Variants in ATP8B4 observed in about 807,000 individuals in gnomAD.
The protein encoded by ATP8B4 is ATPase phospholipid transporting 8B4 (putative).
Under a neutral mutation model 145.6 loss-of-function variants are expected in ATP8B4, and 133 were observed. The ratio of observed to expected loss-of-function variants is 0.91; its 90% CI spans 0.79 to 1.05. ATP8B4 has a LOEUF of 1.05. Ranked by LOEUF, ATP8B4 falls within the 50% of genes least tolerant of loss-of-function variation. The pLI, the probability that ATP8B4 is intolerant of heterozygous loss-of-function variation, is 0.00. For synonymous variants in ATP8B4, 507 were observed against 492.9 expected (o/e 1.03, Z -0.38); for missense variants, 1,458 against 1,425.2 (o/e 1.02, Z -0.37).
At chr15:49,899,587 T>C (rs1381825417) in intron 21 of ATP8B4, among the ~76,000 whole-genome samples, 2 of 152,178 alleles carry the variant, frequency 1.3e-5, no homozygotes, top group Admixed American at 1.3e-4. Flanking sequence ...CCACTCTTTC[T>C]GAAAGAGAAA....
intron 20 of ATP8B4, among the ~76,000 whole-genome samples, chr15:49,909,588 A>G (rs895116338): frequency 3.3e-5 from 5 of 151,978 alleles, no homozygotes; most frequent in Non-Finnish European, 5.9e-5. Flanking sequence ...GGCTCAGCCT[A>G]CCACTGCTCC....
At chr15:49,950,397 T>C (rs2042957039) in intron 14 of ATP8B4, among the ~76,000 whole-genome samples, 1 of 152,082 alleles carries the variant, frequency 6.6e-6, no homozygotes, top group Non-Finnish European at 1.5e-5. Context: ...ATAAGGTGTA[T>C]GCATCCAGGA....
intron 23 of ATP8B4, among the ~76,000 whole-genome samples, chr15:49,894,711 C>T (rs1055301584): frequency 9.9e-5 from 15 of 152,148 alleles, no homozygotes; most frequent in African/African-American, 3.1e-4. Flanking sequence ...AGGCTGCACA[C>T]GTTTAAACAG....
At chr15:50,103,046 C>T (rs528110091) in intron 2 of ATP8B4, among the ~76,000 whole-genome samples, 1 of 152,124 alleles carries the variant, frequency 6.6e-6, no homozygotes, top group African/African-American at 2.4e-5. Context: ...TCCAGCATCC[C>T]TTTATGATTA....
rs2031206480 is a variant in ATP8B4 at position 49,859,271 on chromosome 15, T to C, written c.*923A>G. 6.6e-6 allele frequency: 1 copy of C among 152,248 alleles called. No homozygotes were observed. The highest frequency in any genetic ancestry group is 6.5e-5 in the Admixed American group (1 of 15,286). 9.4% of individuals were successfully genotyped at this position (152,248 alleles called of 1,614,324 possible). ...TTAAAACAATTATTTATTAATTTGT[T>C]TGGCTTCAATTCTGAAGCTTTAAAA... On this transcript the variant is annotated 3_prime_UTR_variant, in exon 28 of 28. Transcript: ENST00000284509.
chr15:49,992,595 G>A (rs141516898), intron 9 of ATP8B4, among the ~76,000 whole-genome samples: 1 of 152,278 alleles, frequency 6.6e-6, no homozygotes, highest in East Asian at 1.9e-4. Flanking sequence ...GAAACCTGGA[G>A]TCCCCAGTGG....
Position 49,859,894 on chromosome 15 carries a change from A to G in ATP8B4, c.*300T>C. 3.2e-6 allele frequency: 1 copy of G among 310,948 alleles called. No individual in the cohort carries two copies. The highest frequency in any genetic ancestry group is 5.9e-6 in the Non-Finnish European group (1 of 170,732). The allele number at this position is 310,948 out of a possible 1,614,324, so 19.3% of individuals were successfully genotyped here. Reference sequence around the variant, plus strand: ...GCTTTACAAGTTTTTCTCCATAAATAAGATTCTAAAGTTCAGGTCAATTGG... The same window carrying G: ...GCTTTACAAGTTTTTCTCCATAAATGAGATTCTAAAGTTCAGGTCAATTGG... On this transcript the variant is annotated 3_prime_UTR_variant, in exon 28 of 28. Coordinates refer to ENST00000284509, the MANE Select transcript of ATP8B4 (RefSeq NM_024837.4).
At chr15:50,144,349 G>A (rs1277426893) in intron 1 of ATP8B4, among the ~76,000 whole-genome samples, 2 of 152,210 alleles carry the variant, frequency 1.3e-5, no homozygotes, top group East Asian at 1.9e-4. Context: ...TCACACTGCT[G>A]TAAAGAAATA....
chr15:49,898,147 C>T lies in ATP8B4; in HGVS notation c.2394G>A (p.Val798=), dbSNP rs749255848. 2.2e-5 allele frequency: 35 copies of T among 1,613,972 alleles called. No homozygotes were observed. The highest frequency in any genetic ancestry group is 4.5e-5 in the East Asian group (2 of 44,876). Residue 798 remains valine, a synonymous_variant, in exon 22 of 28, where the codon GTG becomes GTA. Coordinates refer to ENST00000284509, the MANE Select transcript of ATP8B4 (RefSeq NM_024837.4). ...CRVTPLQKAQ[V]VELVKKYRNA... The stretch of plus-strand genomic sequence containing the variant: ...TTCTGTACTTCTTCACCAGCTCTAC[C>T]ACTTGGGCTTTCTGGAGTGGAGTGA...
intron 14 of ATP8B4, among the ~76,000 whole-genome samples, chr15:49,946,848 C>T (rs1010891333): frequency 6.6e-6 from 1 of 152,168 alleles, no homozygotes; most frequent in Non-Finnish European, 1.5e-5. Context: ...CTCCCAGCAC[C>T]GGGACAATGG....
rs1289339677 is a variant in ATP8B4 at position 50,030,663 on chromosome 15, C to T, written c.362+8105G>A. Among the ~76,000 whole-genome samples, 73 of 152,204 alleles carry T rather than the reference C, an allele frequency of 4.8e-4. 1 individual carries two copies. Among genetic ancestry groups the T allele is most frequent in the Non-Finnish European group, 1.5e-5 (1 of 68,036 alleles). ...ATTCTTCAGTCAACTCTACCTTGCCCTCTAAGCCTTTTATGTGAGAGGGCT... is the reference window on the plus strand; with the variant it reads ...ATTCTTCAGTCAACTCTACCTTGCCTTCTAAGCCTTTTATGTGAGAGGGCT... On this transcript the variant is annotated intron_variant, in intron 6 of 27. Coordinates refer to ENST00000284509, the MANE Select transcript of ATP8B4 (RefSeq NM_024837.4).
intron 2 of ATP8B4, among the ~76,000 whole-genome samples, chr15:50,085,952 ATCATATATATTTATATATGATATATC>A: frequency 1.2e-5 from 1 of 82,242 alleles, no homozygotes; most frequent in Non-Finnish European, 2.2e-5. Flanking sequence ...TATGATATAT[ATCATATATATTTATATATGATATATC>A]AAATATATCA....
chr15:50,180,650 G>A (rs757756867), intron 1 of ATP8B4, among the ~76,000 whole-genome samples: 2 of 152,262 alleles, frequency 1.3e-5, no homozygotes, highest in Non-Finnish European at 1.5e-5. Context: ...GGCTGGCTCT[G>A]AGCTTCACCA....
chr15:50,045,507 C>T (rs1433289109), intron 4 of ATP8B4, among the ~76,000 whole-genome samples: 1 of 152,018 alleles, frequency 6.6e-6, no homozygotes, highest in African/African-American at 2.4e-5. Flanking sequence ...GGCCATCAGG[C>T]AGGAAAGGAT....
At position 49,897,391 on chromosome 15, in the gene ATP8B4, A is replaced by G. The variant is rs771826150; in HGVS notation, c.2598T>C (p.Tyr866=). ...RLLLVHGRWS[Y]FRMCKFLCYF... ...AGCATAAGAATTTGCACATTCGGAA[A>G]TAAGACCACCTTCCATGAACAAGGA... is the stretch of plus-strand genomic sequence containing the variant. The change falls in exon 23 of 28, where the codon TAT becomes TAC. Residue 866 remains tyrosine, a synonymous_variant. Transcript: ENST00000284509. The G allele has an allele frequency of 3.7e-6, 6 of 1,613,998 alleles. No individual in the cohort carries two copies. In the South Asian group the frequency reaches 6.6e-5, roughly 18 times the overall value.
intron 2 of ATP8B4, among the ~76,000 whole-genome samples, chr15:50,104,233 G>A (rs962145494): frequency 6.6e-6 from 1 of 152,012 alleles, no homozygotes; most frequent in African/African-American, 2.4e-5. Context: ...TAAATAAATG[G>A]TACTTCATTA....
chr15:49,910,195 G>A (rs1253758118), intron 20 of ATP8B4, among the ~76,000 whole-genome samples: 1 of 152,004 alleles, frequency 6.6e-6, no homozygotes, highest in Non-Finnish European at 1.5e-5. Flanking sequence ...AGAATTCACT[G>A]AATGAAATAA....
intron 23 of ATP8B4, among the ~76,000 whole-genome samples, chr15:49,884,634 A>G (rs2035947929): frequency 6.6e-6 from 1 of 151,246 alleles, no homozygotes; most frequent in African/African-American, 2.4e-5. Flanking sequence ...AAAAAAAAGA[A>G]AGTTTCCTTG....
In ATP8B4 at chr15:50,074,722, G is replaced by A. The variant is rs1028465685; in HGVS notation, c.29-537C>T. 5.9e-5 allele frequency among the ~76,000 whole-genome samples: 9 copies of A among 152,284 alleles called. No individual in the cohort carries two copies. The South Asian group carries it at 6.2e-4, about 11-fold the overall frequency. On this transcript the variant is annotated intron_variant, in intron 2 of 27. Transcript: ENST00000284509. The stretch of plus-strand genomic sequence containing the variant: ...CTGAGAGCTGCCCTTAGCTGGAAGT[G>A]ACCAAAGAATAAAATCTCTTCTGAA...
Sources: allele counts gnomAD v4.1 joint callset (sites outside exome capture counted in the v4.1 genomes callset), GRCh38; gene constraint gnomAD v4.1.1; transcripts MANE v1.5; gene names NCBI Gene and HGNC (gene_info 2026-07-23, HGNC 2026-07-21).